Variants in ALDH18A1 observed in about 807,000 individuals in gnomAD.
ALDH18A1 encodes the protein delta-1-pyrroline-5-carboxylate synthase.
ALDH18A1 carries 44 observed loss-of-function variants against 88.8 expected under a neutral mutation model. That is an observed-to-expected ratio of 0.50 (90% CI 0.39 to 0.64). The LOEUF is 0.64. ALDH18A1 is among the 30% of genes least tolerant of loss of function. ALDH18A1 has a pLI of 0.00. For missense variants in ALDH18A1, 782 were observed against 1,009.5 expected (o/e 0.77, Z 3.05); for synonymous variants, 331 against 372.1 (o/e 0.89, Z 1.27).
At chr10:95,607,551 T>C (rs1214911218) in intron 17 of ALDH18A1, among the ~76,000 whole-genome samples, 1 of 152,138 alleles carries the variant, frequency 6.6e-6, no homozygotes, top group Non-Finnish European at 1.5e-5. Context: ...ATCACAACTT[T>C]ACTGAGCATG....
At chr10:95,654,024 C>T (rs1297868174) in intron 1 of ALDH18A1, among the ~76,000 whole-genome samples, 1 of 152,126 alleles carries the variant, frequency 6.6e-6, no homozygotes, top group Non-Finnish European at 1.5e-5. Context: ...CTACAAATCT[C>T]GGTTGAGAAC....
chr10:95,649,963 C>A (rs2097907702), intron 2 of ALDH18A1, among the ~76,000 whole-genome samples: 1 of 151,522 alleles, frequency 6.6e-6, no homozygotes, highest in South Asian at 2.1e-4. Context: ...GGGAGGCTGA[C>A]ATAGGAGGAT....
At chr10:95,647,725 G>C (rs143127649) in intron 2 of ALDH18A1, among the ~76,000 whole-genome samples, 1 of 152,224 alleles carries the variant, frequency 6.6e-6, no homozygotes, top group African/African-American at 2.4e-5. Flanking sequence ...GCCTTGCTGG[G>C]TTACCCCACT....
At chr10:95,624,412 T>G (rs2097857646) in intron 11 of ALDH18A1, among the ~76,000 whole-genome samples, 1 of 152,196 alleles carries the variant, frequency 6.6e-6, no homozygotes, top group Non-Finnish European at 1.5e-5. Flanking sequence ...GAAAATCTAT[T>G]TTACGTTTTG....
intron 15 of ALDH18A1, 83 bp from the exon 16 acceptor site, chr10:95,611,525 G>C: frequency 1.3e-6 from 2 of 1,523,576 alleles, no homozygotes. Flanking sequence ...AGGTGAGCCT[G>C]TAAAACCACA....
intron 3 of ALDH18A1, 64 bp from the exon 4 acceptor site, chr10:95,637,500 GGGA>G: frequency 6.3e-7 from 1 of 1,596,200 alleles, no homozygotes; most frequent in South Asian, 1.1e-5. Context: ...CTCTTCACAA[GGGA>G]TGGAGGTAGG....
At chr10:95,614,909 C>T (rs2097841678) in intron 13 of ALDH18A1, among the ~76,000 whole-genome samples, 1 of 152,176 alleles carries the variant, frequency 6.6e-6, no homozygotes, top group Non-Finnish European at 1.5e-5. Flanking sequence ...AAATGGAACA[C>T]TACCCAGCAA....
Position 95,637,311 on chromosome 10 carries a change from C to A in ALDH18A1, c.429G>T (p.Ser143=). 7 of 1,614,184 alleles carry A rather than the reference C, an allele frequency of 4.3e-6. No homozygotes were observed. Among genetic ancestry groups the A allele is most frequent in the Non-Finnish European group, 5.9e-6 (7 of 1,180,044 alleles). The change falls in exon 4 of 18, where the codon TCG becomes TCT. Residue 143 remains serine (S), a synonymous_variant. Transcript: ENST00000371224. ...CCATTTCTTTCAGCTGGTTCTGCCCCGAGTGGAGGGCCTGCCGCACGCTCT... is the reference window on the plus strand; with the variant it reads ...CCATTTCTTTCAGCTGGTTCTGCCCAGAGTGGAGGGCCTGCCGCACGCTCT... ...LSQSVRQALH[S]GQNQLKEMAI...
chr10:95,618,740 T>A (rs2097847772), intron 12 of ALDH18A1, among the ~76,000 whole-genome samples: 1 of 152,236 alleles, frequency 6.6e-6, no homozygotes, highest in Non-Finnish European at 1.5e-5. Flanking sequence ...CAGTTATTCA[T>A]GAATGACAGC....
At chr10:95,607,114 C>G (rs779351863) in intron 17 of ALDH18A1, among the ~76,000 whole-genome samples, 171 bp from the exon 18 acceptor site, 16 of 152,174 alleles carry the variant, frequency 1.1e-4, no homozygotes, top group Non-Finnish European at 2.2e-4. Flanking sequence ...ACATGTTCTT[C>G]GATTACTACA....
At chr10:95,629,504 G>GA (rs1185977917) in intron 7 of ALDH18A1, among the ~76,000 whole-genome samples, 1 of 152,068 alleles carries the variant, frequency 6.6e-6, no homozygotes, top group Non-Finnish European at 1.5e-5. Flanking sequence ...TACAGGAAAA[G>GA]AAAAAATAAC....
intron 2 of ALDH18A1, among the ~76,000 whole-genome samples, chr10:95,645,542 T>C (rs2097899935): frequency 1.3e-5 from 2 of 152,214 alleles, no homozygotes; most frequent in South Asian, 2.1e-4. Context: ...AAGGCGACTA[T>C]GGGTTCTCCT....
chr10:95,648,353 ATC>A, intron 2 of ALDH18A1, among the ~76,000 whole-genome samples: 1 of 132,156 alleles, frequency 7.6e-6, no homozygotes, highest in Non-Finnish European at 1.7e-5. Context: ...CATCATCATC[ATC>A]ATCATCATCT....
intron 2 of ALDH18A1, among the ~76,000 whole-genome samples, chr10:95,649,267 G>A (rs2097906162): frequency 6.6e-6 from 1 of 151,930 alleles, no homozygotes; most frequent in South Asian, 2.1e-4. Flanking sequence ...TGTAATTCCT[G>A]CAGGTTGGGA....
Position 95,615,251 on chromosome 10 carries a change from G to A in ALDH18A1, c.1606-1090C>T, listed in dbSNP as rs117035067. Among the ~76,000 whole-genome samples the A allele has an allele frequency of 2.6e-4, 40 of 151,698 alleles. No homozygotes were observed. The East Asian group carries it at 7.4e-3, about 28-fold the overall frequency. On this transcript the variant is annotated intron_variant, in intron 13 of 17. Coordinates refer to ENST00000371224, the MANE Select transcript of ALDH18A1 (RefSeq NM_002860.4). ...GAAAGCTGAGGTGGGTGGACTGCTT[G>A]AGCCTAGGAGGCTGAGGCTGCAGTG...
At chr10:95,609,882 C>T (rs1398831950) in intron 17 of ALDH18A1, among the ~76,000 whole-genome samples, 1 of 150,084 alleles carries the variant, frequency 6.7e-6, no homozygotes, top group Non-Finnish European at 1.5e-5. Flanking sequence ...AATTCTCCTG[C>T]CTCAGCCTCC....
rs1232163663 is a variant in ALDH18A1 at position 95,643,109 on chromosome 10, G to C, written c.186C>G (p.Ala62=). 1.9e-6 allele frequency: 3 copies of C among 1,614,204 alleles called. No homozygotes were observed. The highest frequency in any genetic ancestry group is 2.2e-5 in the East Asian group (1 of 44,888). The change falls in exon 3 of 18, where the codon GCC becomes GCG. Residue 62 remains alanine (A), a synonymous_variant. Coordinates refer to ENST00000371224, the MANE Select transcript of ALDH18A1 (RefSeq NM_002860.4). ...TGGCATGCTTCAGCTCACTGCGGTG[G>C]GCGAAGGACTTGCCATGTGTACGAC... ...PLSRTHGKSF[A]HRSELKHAKR...
At chr10:95,655,143 ATTAT>A (rs1291426379) in intron 1 of ALDH18A1, among the ~76,000 whole-genome samples, 1 of 151,306 alleles carries the variant, frequency 6.6e-6, no homozygotes. Context: ...TATTATTATT[ATTAT>A]TATTATTATA....
chr10:95,616,413 T>C (rs2097844257), intron 13 of ALDH18A1, 64 bp downstream of exon 13: 52 of 1,549,344 alleles, frequency 3.4e-5, no homozygotes, highest in Non-Finnish European at 4.4e-5. Context: ...AAGTTTTGCT[T>C]TAAATTCCCA....
Sources: allele counts gnomAD v4.1 joint callset (sites outside exome capture counted in the v4.1 genomes callset), GRCh38; gene constraint gnomAD v4.1.1; transcripts MANE v1.5; gene names NCBI Gene and HGNC (gene_info 2026-07-23, HGNC 2026-07-21).